Variants in PRKG1 observed in about 807,000 individuals in gnomAD.
PRKG1 encodes the protein protein kinase cGMP-dependent 1, also known as cGMP-dependent protein kinase 1.
A neutral mutation model predicts 88.1 loss-of-function variants in PRKG1; 35 were observed. The observed-to-expected ratio is 0.40, with a 90% CI of 0.30 to 0.53. The LOEUF is 0.53. PRKG1 is among the 20% of genes least tolerant of loss of function. The probability of loss-of-function intolerance (pLI) is 0.59; values close to 1 mark genes in which losing one functional copy is unlikely to be tolerated. For synonymous variants in PRKG1, 303 were observed against 292.5 expected, an observed-to-expected ratio of 1.04 and a Z score of -0.37; for missense variants, 540 against 839.8, an observed-to-expected ratio of 0.64 and a Z score of 4.41.
intron 3 of PRKG1, among the ~76,000 whole-genome samples, chr10:51,490,284 G>A (rs1840670664): frequency 6.6e-6 from 1 of 152,082 alleles, no homozygotes; most frequent in African/African-American, 2.4e-5. Flanking sequence ...TTCTTCTGGT[G>A]ATTCCACATT....
chr10:51,191,836 A>G (rs955000503), intron 2 of PRKG1, among the ~76,000 whole-genome samples: 7 of 151,814 alleles, frequency 4.6e-5, no homozygotes, highest in Non-Finnish European at 8.8e-5. Context: ...GGGAAGGTCT[A>G]TTACATCCCC....
At chr10:51,002,646 C>G (rs1251517080) in intron 1 of PRKG1, among the ~76,000 whole-genome samples, 1 of 152,164 alleles carries the variant, frequency 6.6e-6, no homozygotes, top group East Asian at 1.9e-4. Context: ...CTGTAAAAGG[C>G]TATTTCATTC....
At chr10:52,165,974 T>C (rs1564497879) in intron 9 of PRKG1, among the ~76,000 whole-genome samples, 1 of 152,200 alleles carries the variant, frequency 6.6e-6, no homozygotes, top group Non-Finnish European at 1.5e-5. Context: ...GTCTGTCTCA[T>C]GAGATATATT....
chr10:52,229,050 T>C (rs1234123528), intron 9 of PRKG1, among the ~76,000 whole-genome samples: 1 of 152,212 alleles, frequency 6.6e-6, no homozygotes, highest in Non-Finnish European at 1.5e-5. Flanking sequence ...AAATATGCTT[T>C]GATGGAGCCT....
rs112747274 is a variant in PRKG1, at chr10:51,712,629, G to A, written c.593-91956G>A. On this transcript the variant is annotated intron_variant, in intron 3 of 17. Coordinates refer to ENST00000373980, the MANE Select transcript of PRKG1 (RefSeq NM_006258.4). ...TTTTGAGACGGAGTCTCGCTCAGTC[G>A]CCCAGGCTGGAGTGCAGTGGCGCAG... Among the ~76,000 whole-genome samples, 25 of 113,268 alleles carry A rather than the reference G, an allele frequency of 2.2e-4. No individual in the cohort carries two copies. In the South Asian group the frequency reaches 6.2e-3, roughly 28 times the overall value. 74.3% of individuals were successfully genotyped at this position (113,268 alleles called of 152,430 possible).
chr10:52,176,857 AT>A (rs1838881353), intron 9 of PRKG1, among the ~76,000 whole-genome samples: 1 of 151,896 alleles, frequency 6.6e-6, no homozygotes, highest in South Asian at 2.1e-4. Flanking sequence ...TTGTATGTTG[AT>A]TTTGTATCCT....
intron 2 of PRKG1, among the ~76,000 whole-genome samples, chr10:51,264,809 C>T (rs1228386911): frequency 6.6e-6 from 1 of 152,150 alleles, no homozygotes; most frequent in Non-Finnish European, 1.5e-5. Context: ...GGAAGCTATG[C>T]ATTTAATCCA....
chr10:51,345,685 A>T (rs888060268), intron 2 of PRKG1, among the ~76,000 whole-genome samples: 5 of 152,226 alleles, frequency 3.3e-5, no homozygotes, highest in African/African-American at 1.2e-4. Context: ...TATCCTTGAT[A>T]AGAGCTTTGG....
intron 1 of PRKG1, among the ~76,000 whole-genome samples, chr10:51,040,814 G>A (rs762100575): frequency 3.4e-4 from 52 of 151,900 alleles, no homozygotes; most frequent in Non-Finnish European, 2.8e-4. Flanking sequence ...TGTATCCTGC[G>A]TCTTTACTGA....
chr10:52,184,978 A>G (rs1839152677), intron 9 of PRKG1: 1 of 152,184 alleles, frequency 6.6e-6, no homozygotes. Flanking sequence ...ACATATCAAC[A>G]TTAGACTTGG....
At chr10:52,128,472 C>T (rs567822922) in intron 7 of PRKG1, 3 of 985,398 alleles carry the variant, frequency 3.0e-6, no homozygotes, top group Admixed American at 6.1e-5. Context: ...TATTCAGATA[C>T]TGACAGTGAC....
chr10:51,280,490 G>A (rs547493971), intron 2 of PRKG1, among the ~76,000 whole-genome samples: 28 of 152,252 alleles, frequency 1.8e-4, no homozygotes, highest in African/African-American at 5.3e-4. Flanking sequence ...CATTCTGCCC[G>A]TCACTTTCAG....
chr10:52,276,985 G>A (rs79864356), intron 12 of PRKG1, among the ~76,000 whole-genome samples: 2,382 of 152,120 alleles, frequency 0.016, 30 homozygotes, highest in Non-Finnish European at 0.023. Flanking sequence ...TTTCAAAATC[G>A]GTTACAAATA....
chr10:51,519,009 A>T (rs1274705802), intron 3 of PRKG1, among the ~76,000 whole-genome samples: 2 of 152,212 alleles, frequency 1.3e-5, no homozygotes, highest in African/African-American at 2.4e-5. Context: ...GAAGGAAGCC[A>T]TGTGCTCTGT....
chr10:51,867,745 T>C (rs1415771525), intron 4 of PRKG1, among the ~76,000 whole-genome samples: 1 of 152,116 alleles, frequency 6.6e-6, no homozygotes, highest in Admixed American at 6.6e-5. Context: ...CTTCTGATAA[T>C]GTTATGAAAA....
chr10:51,287,706 G>A (rs1300563537), intron 2 of PRKG1, among the ~76,000 whole-genome samples: 1 of 152,172 alleles, frequency 6.6e-6, no homozygotes, highest in Non-Finnish European at 1.5e-5. Context: ...TTTAAATGGG[G>A]AGAAGGGGGT....
chr10:51,562,643 T>C (rs889789857), intron 3 of PRKG1, among the ~76,000 whole-genome samples: 14 of 152,154 alleles, frequency 9.2e-5, no homozygotes, highest in Non-Finnish European at 1.9e-4. Flanking sequence ...ATAATTTCTG[T>C]GTCTGATTGT....
At chr10:51,795,316 A>G (rs1053412217) in intron 3 of PRKG1, among the ~76,000 whole-genome samples, 7 of 152,108 alleles carry the variant, frequency 4.6e-5, no homozygotes, top group Non-Finnish European at 1.0e-4. Context: ...TTTTCTTACT[A>G]TTAAGTATAT....
chr10:51,826,211 G>A (rs969318986), intron 4 of PRKG1, among the ~76,000 whole-genome samples: 1 of 152,008 alleles, frequency 6.6e-6, no homozygotes, highest in Admixed American at 6.6e-5. Flanking sequence ...AACAATTTAG[G>A]CTGAATATGA....
Sources: allele counts gnomAD v4.1 joint callset (sites outside exome capture counted in the v4.1 genomes callset), GRCh38; gene constraint gnomAD v4.1.1; transcripts MANE v1.5; gene names NCBI Gene and HGNC (gene_info 2026-07-23, HGNC 2026-07-21).